Variants in FBXW11 observed in about 807,000 individuals in gnomAD.
The protein encoded by FBXW11 is F-box/WD repeat-containing protein 11.
Under a neutral mutation model 77.6 loss-of-function variants are expected in FBXW11, and 19 were observed. That is an observed-to-expected ratio of 0.24 (90% CI 0.17 to 0.36). The LOEUF (loss-of-function observed/expected upper bound fraction) is 0.36, where lower values mean the gene tolerates loss of function less well. Ranked by LOEUF, FBXW11 falls within the 10% of genes least tolerant of loss-of-function variation. The pLI is 1.00. For missense variants in FBXW11, 334 were observed against 704.2 expected (o/e 0.47, Z 5.95); for synonymous variants, 235 against 249.4 (o/e 0.94, Z 0.54).
intron 2 of FBXW11, among the ~76,000 whole-genome samples, chr5:171,915,777 G>T (rs1253150751): frequency 6.6e-6 from 1 of 152,018 alleles, no homozygotes; most frequent in South Asian, 2.1e-4. Context: ...TTCACTCTCC[G>T]ATTTGAAGAT....
chr5:171,984,273 T>G (rs951406028), intron 1 of FBXW11, among the ~76,000 whole-genome samples: 2 of 152,228 alleles, frequency 1.3e-5, no homozygotes, highest in Non-Finnish European at 2.9e-5. Flanking sequence ...ATGTAAAAAT[T>G]CATTGAGCTG....
chr5:171,877,046 T>C (rs1758133398), intron 8 of FBXW11, among the ~76,000 whole-genome samples: 3 of 152,204 alleles, frequency 2.0e-5, no homozygotes, highest in African/African-American at 7.2e-5. Context: ...ACAGGGTCTA[T>C]TCTTAATGAA....
intron 7 of FBXW11, among the ~76,000 whole-genome samples, chr5:171,885,829 T>C (rs532987225): frequency 1.2e-3 from 181 of 152,358 alleles, no homozygotes; most frequent in Non-Finnish European, 2.0e-3. Flanking sequence ...TGAAATATAA[T>C]ATCTACAATA....
At chr5:171,914,317 T>A (rs917545181) in intron 3 of FBXW11, 26 bp downstream of exon 3, 1 of 1,586,940 alleles carries the variant, frequency 6.3e-7, no homozygotes, top group East Asian at 2.3e-5. Flanking sequence ...TCAGTTGCTA[T>A]CTAATCTGTG....
At chr5:171,873,055 T>C (rs943986946) in intron 9 of FBXW11, 65 bp from the exon 10 acceptor site, 1 of 1,303,476 alleles carries the variant, frequency 7.7e-7, no homozygotes, top group African/African-American at 1.5e-5. Context: ...AATATACCTT[T>C]CTTAAAAAGA....
chr5:171,933,794 C>T (rs1476982325), intron 2 of FBXW11, among the ~76,000 whole-genome samples: 1 of 152,022 alleles, frequency 6.6e-6, no homozygotes, highest in African/African-American at 2.4e-5. Flanking sequence ...CTTAAACTAC[C>T]TCAAACTGCC....
intron 2 of FBXW11, among the ~76,000 whole-genome samples, chr5:171,923,664 T>C (rs1561687734): frequency 6.6e-6 from 1 of 152,072 alleles, no homozygotes. Context: ...TAACCAGCAT[T>C]TTTTTTAAAA....
At chr5:172,003,596 T>G (rs1766549827) in intron 1 of FBXW11, among the ~76,000 whole-genome samples, 1 of 152,058 alleles carries the variant, frequency 6.6e-6, no homozygotes, top group African/African-American at 2.4e-5. Flanking sequence ...AAATTCAGGG[T>G]CTAAATTAAG....
At chr5:171,952,447 A>ATTTTTTTTTTTT (rs1164383563) in intron 2 of FBXW11, among the ~76,000 whole-genome samples, 9 of 6,950 alleles carry the variant, frequency 1.3e-3, no homozygotes, top group East Asian at 0.021. Context: ...ATATATATAT[A>ATTTTTTTTTTTT]TTTTTTTTTT....
At chr5:171,952,449 T>TATATA (rs1561716455) in intron 2 of FBXW11, among the ~76,000 whole-genome samples, 2 of 10,932 alleles carry the variant, frequency 1.8e-4, no homozygotes, top group Non-Finnish European at 3.2e-4. Flanking sequence ...ATATATATAT[T>TATATA]TTTTTTTTTT....
chr5:171,929,688 A>C (rs557513212), intron 2 of FBXW11, among the ~76,000 whole-genome samples: 2 of 152,054 alleles, frequency 1.3e-5, no homozygotes, highest in South Asian at 4.2e-4. Flanking sequence ...CATCTCTACT[A>C]AAAATACAAA....
chr5:171,965,894 T>C (rs771544637), intron 1 of FBXW11, among the ~76,000 whole-genome samples: 4 of 152,108 alleles, frequency 2.6e-5, no homozygotes, highest in Non-Finnish European at 4.4e-5. Context: ...GGTTGACTCA[T>C]GGGGGTAGAC....
At chr5:171,923,011 T>C (rs1024932403) in intron 2 of FBXW11, among the ~76,000 whole-genome samples, 8 of 151,920 alleles carry the variant, frequency 5.3e-5, no homozygotes. Context: ...GCCTCCGCGG[T>C]TCAAGCAATA....
chr5:171,922,129 C>T (rs1164350989), intron 2 of FBXW11, among the ~76,000 whole-genome samples: 1 of 152,142 alleles, frequency 6.6e-6, no homozygotes, highest in Non-Finnish European at 1.5e-5. Flanking sequence ...ATATCTCAAA[C>T]TTTCTACCCA....
intron 2 of FBXW11, among the ~76,000 whole-genome samples, chr5:171,946,095 C>G (rs1762994299): frequency 6.6e-6 from 1 of 152,130 alleles, no homozygotes; most frequent in Non-Finnish European, 1.5e-5. Flanking sequence ...AATTGAAGGC[C>G]TAAGAGAAAA....
chr5:171,947,257 A>AG (rs966640838), intron 2 of FBXW11, among the ~76,000 whole-genome samples: 1 of 152,246 alleles, frequency 6.6e-6, no homozygotes, highest in African/African-American at 2.4e-5. Flanking sequence ...TGAAGAAAAA[A>AG]CAAAAGAGTG....
chr5:171,925,768 T>C (rs1273838489), intron 2 of FBXW11, among the ~76,000 whole-genome samples: 2 of 152,242 alleles, frequency 1.3e-5, no homozygotes, highest in African/African-American at 4.8e-5. Flanking sequence ...TCCAGTCATG[T>C]AGTGATTACA....
At chr5:171,975,920 G>C (rs1473781420) in intron 1 of FBXW11, among the ~76,000 whole-genome samples, 1 of 152,158 alleles carries the variant, frequency 6.6e-6, no homozygotes, top group East Asian at 1.9e-4. Context: ...CAGAAAGTTT[G>C]GGAAATGTTG....
intron 4 of FBXW11, among the ~76,000 whole-genome samples, chr5:171,902,521 C>T (rs907980718): frequency 6.6e-6 from 1 of 152,128 alleles, no homozygotes; most frequent in Admixed American, 6.5e-5. Flanking sequence ...GCTGATTAGC[C>T]TTTGAAACTC....
Sources: allele counts gnomAD v4.1 joint callset (sites outside exome capture counted in the v4.1 genomes callset), GRCh38; gene constraint gnomAD v4.1.1; transcripts MANE v1.5; gene names NCBI Gene and HGNC (gene_info 2026-07-23, HGNC 2026-07-21).